Variants in ADCY5 observed in about 807,000 individuals in gnomAD.
The protein encoded by ADCY5 is adenylate cyclase type 5.
A neutral mutation model predicts 119.7 loss-of-function variants in ADCY5; 30 were observed. The observed-to-expected ratio is 0.25, with a 90% CI of 0.19 to 0.34. ADCY5 has a LOEUF of 0.34. Ranked by LOEUF, ADCY5 falls within the 10% of genes least tolerant of loss-of-function variation. The probability of loss-of-function intolerance (pLI) is 1.00; values close to 1 mark genes in which losing one functional copy is unlikely to be tolerated. For synonymous variants in ADCY5, 753 were observed against 762.2 expected (o/e 0.99, Z 0.20); for missense variants, 1,324 against 1,775.2 (o/e 0.75, Z 4.57).
intron 1 of ADCY5, among the ~76,000 whole-genome samples, chr3:123,426,311 T>G (rs199972769): frequency 3.7e-4 from 1 of 2,668 alleles, no homozygotes; most frequent in African/African-American, 4.4e-4. Flanking sequence ...TTTTTTTTTG[T>G]TTGTTTTTGT....
At chr3:123,357,972 A>T (rs1439994084) in intron 1 of ADCY5, among the ~76,000 whole-genome samples, 1 of 152,236 alleles carries the variant, frequency 6.6e-6, no homozygotes, top group Non-Finnish European at 1.5e-5. Context: ...TTACACCCCC[A>T]TAAAGACAGG....
rs150713243 is a variant in ADCY5, at chr3:123,417,209, C to T, written c.1134+30203G>A. On this transcript the variant is annotated intron_variant, in intron 1 of 20. Coordinates refer to ENST00000462833, the MANE Select transcript of ADCY5 (RefSeq NM_183357.3). ...TCAAGAGCCCCTGATTTCTTGGCAT[C>T]CCCAAGGTACCAGGTTCCCCCCTAC... is the stretch of plus-strand genomic sequence containing the variant. Among the ~76,000 whole-genome samples the T allele has an allele frequency of 4.0e-3, 612 of 152,258 alleles. 5 individuals carry two copies. The highest frequency in any genetic ancestry group is 0.014 in the African/African-American group (581 of 41,540).
intron 1 of ADCY5, among the ~76,000 whole-genome samples, chr3:123,370,789 C>T (rs1348023233): frequency 2.6e-5 from 4 of 152,162 alleles, no homozygotes; most frequent in African/African-American, 7.2e-5. Flanking sequence ...ATGGCAAGCC[C>T]CTATCCCATC....
At chr3:123,320,911 C>G (rs898609169) in intron 8 of ADCY5, 140 bp from the exon 9 acceptor site, 4 of 670,690 alleles carry the variant, frequency 6.0e-6, no homozygotes, top group Non-Finnish European at 1.1e-5. Flanking sequence ...CATTCAGCAG[C>G]TCCTTTCCTT....
chr3:123,310,103 TACACACACACACAC>T (rs60966110), intron 12 of ADCY5, among the ~76,000 whole-genome samples: 2,065 of 121,216 alleles, frequency 0.017, 54 homozygotes, highest in African/African-American at 0.059. Context: ...GAGAGAGATT[TACACACACACACAC>T]ACACACACAC....
At chr3:123,331,630 G>A (rs1417687524) in intron 4 of ADCY5, among the ~76,000 whole-genome samples, 2 of 152,226 alleles carry the variant, frequency 1.3e-5, no homozygotes, top group Non-Finnish European at 1.5e-5. Context: ...AGGGCCACCT[G>A]CAGGCCACCA....
intron 3 of ADCY5, among the ~76,000 whole-genome samples, chr3:123,337,580 G>A (rs753610520): frequency 2.6e-5 from 4 of 152,188 alleles, no homozygotes; most frequent in Non-Finnish European, 4.4e-5. Context: ...GCTTGCAGCC[G>A]CATCACTCCA....
At chr3:123,424,705 C>T (rs1292814993) in intron 1 of ADCY5, among the ~76,000 whole-genome samples, 2 of 152,184 alleles carry the variant, frequency 1.3e-5, no homozygotes, top group African/African-American at 2.4e-5. Context: ...CCATGTTCAG[C>T]CTGGCCAGTA....
intron 11 of ADCY5, among the ~76,000 whole-genome samples, chr3:123,316,683 A>G (rs1403527375): frequency 6.6e-6 from 1 of 152,248 alleles, no homozygotes; most frequent in East Asian, 1.9e-4. Context: ...GACCCTGGCT[A>G]CAAATAAACT....
chr3:123,332,937 T>G lies in ADCY5; in HGVS notation c.1407-262A>C, dbSNP rs192982740. ...ACCTGGCTAACTTTTTTTTTTTTTT[T>G]GGGTAGAGACAGGGTCTCGCTATGT... On this transcript the variant is annotated intron_variant, in intron 3 of 20. Transcript: ENST00000462833. Among the ~76,000 whole-genome samples the G allele has an allele frequency of 0.024, 3,617 of 151,030 alleles. 141 individuals carry two copies. The highest frequency in any genetic ancestry group is 0.078 in the African/African-American group (3,221 of 41,062).
At chr3:123,289,168 A>G (rs1938975374) in intron 19 of ADCY5, among the ~76,000 whole-genome samples, 1 of 152,224 alleles carries the variant, frequency 6.6e-6, no homozygotes, top group East Asian at 1.9e-4. Context: ...TTTGCTAACG[A>G]TTTTGCAGAT....
chr3:123,363,845 G>A (rs184019804), intron 1 of ADCY5, among the ~76,000 whole-genome samples: 2 of 152,176 alleles, frequency 1.3e-5, no homozygotes, highest in Non-Finnish European at 2.9e-5. Context: ...GGAAGTCAAG[G>A]CTGCGGTGAG....
At chr3:123,354,731 A>G (rs1381371277) in intron 1 of ADCY5, among the ~76,000 whole-genome samples, 2 of 152,254 alleles carry the variant, frequency 1.3e-5, no homozygotes, top group Non-Finnish European at 2.9e-5. Context: ...CAGACAGGCT[A>G]GTGCATCATG....
At position 123,330,880 on chromosome 3, in the gene ADCY5, G is replaced by A. The variant is rs113743590; in HGVS notation, c.1646+9C>T. The A allele has an allele frequency of 3.1e-6, 5 of 1,606,048 alleles. No individual in the cohort carries two copies. Among genetic ancestry groups the A allele is most frequent in the Admixed American group, 3.4e-5 (2 of 58,604 alleles). On this transcript the variant is annotated intron_variant, in intron 5 of 20. Coordinates refer to ENST00000462833, the MANE Select transcript of ADCY5 (RefSeq NM_183357.3). ...GGAGGGAGACGGTACCCGGGGGGTG[G>A]ACACTTACGAGATGGCCTCGATCAT... is the stretch of plus-strand genomic sequence containing the variant.
chr3:123,314,214 C>G, intron 12 of ADCY5, 21 bp downstream of exon 12: 1 of 1,597,054 alleles, frequency 6.3e-7, no homozygotes, highest in East Asian at 2.2e-5. Context: ...TGGCTGCAAC[C>G]CAGCTGTCAG....
At chr3:123,359,020 G>C (rs906469052) in intron 1 of ADCY5, among the ~76,000 whole-genome samples, 1 of 152,160 alleles carries the variant, frequency 6.6e-6, no homozygotes, top group African/African-American at 2.4e-5. Context: ...AAAGGTGCAA[G>C]GCAAAGGGGA....
chr3:123,404,199 A>T (rs1396200219), intron 1 of ADCY5: 5 of 152,232 alleles, frequency 3.3e-5, no homozygotes, highest in Non-Finnish European at 7.3e-5. Flanking sequence ...ACAATGTCAC[A>T]TTACCTCGAG....
At chr3:123,379,675 G>T (rs1040516728) in intron 1 of ADCY5, among the ~76,000 whole-genome samples, 6 of 151,966 alleles carry the variant, frequency 3.9e-5, no homozygotes, top group Non-Finnish European at 7.4e-5. Context: ...TGCACAGAGC[G>T]GGGGTGGGTG....
intron 14 of ADCY5, 24 bp from the exon 15 acceptor site, chr3:123,300,319 C>T (rs1312648273): frequency 6.2e-6 from 10 of 1,610,376 alleles, no homozygotes; most frequent in African/African-American, 1.3e-5. Flanking sequence ...GCAGCAGCAT[C>T]AGCTCCCCAG....
Sources: gnomAD v4.1 joint callset for allele counts (sites outside exome capture counted in the v4.1 genomes callset) on GRCh38, gnomAD v4.1.1 for gene constraint, MANE v1.5 for transcripts, NCBI Gene and HGNC (gene_info 2026-07-23, HGNC 2026-07-21) for gene names.